Variants in USH2A observed in about 807,000 individuals in gnomAD.
USH2A encodes the protein Usher syndrome 2A (autosomal recessive, mild).
Under a neutral mutation model 538.9 loss-of-function variants are expected in USH2A, and 443 were observed. That is an observed-to-expected ratio of 0.82 (90% CI 0.76 to 0.89). The LOEUF (loss-of-function observed/expected upper bound fraction) is 0.89, where lower values mean the gene tolerates loss of function less well. USH2A is among the 40% of genes least tolerant of loss of function. The probability of loss-of-function intolerance (pLI) is 0.00; values close to 1 mark genes in which losing one functional copy is unlikely to be tolerated. For missense variants in USH2A, 6,633 were observed against 6,324.8 expected (o/e 1.05, Z -1.65); for synonymous variants, 2,413 against 2,273.5 (o/e 1.06, Z -1.75).
Position 215,674,647 on chromosome 1 carries a change from CA to C in USH2A, c.13263del (p.Val4422Ter). 1 of 1,614,050 alleles carries C rather than the reference CA, an allele frequency of 6.2e-7. No homozygotes were observed. Among genetic ancestry groups the C allele is most frequent in the African/African-American group, 1.3e-5 (1 of 75,002 alleles). ...LQPYSQYNFS[L>X]VACTNGGCTA... Reference sequence around the variant, plus strand: ...GTGCAACCTCCATTCGTGCAGGCTACAAGGGAGAAGTTATACTGAGAGTAAG... The same window carrying C: ...GTGCAACCTCCATTCGTGCAGGCTACAGGGAGAAGTTATACTGAGAGTAAG... On this transcript the variant is annotated frameshift_variant, in exon 63 of 72. Coordinates refer to ENST00000307340, the MANE Select transcript of USH2A (RefSeq NM_206933.4). LOFTEE classifies it high-confidence loss of function.
At chr1:216,287,010 A>T (rs1172981621) in intron 11 of USH2A, among the ~76,000 whole-genome samples, 1 of 152,198 alleles carries the variant, frequency 6.6e-6, no homozygotes, top group East Asian at 1.9e-4. Context: ...CCATAGAGCA[A>T]TATTTCTTAT....
chr1:215,880,915 A>G (rs558994404), intron 41 of USH2A, among the ~76,000 whole-genome samples: 4 of 152,244 alleles, frequency 2.6e-5, no homozygotes, highest in South Asian at 2.1e-4. Context: ...TCTTTAATCC[A>G]TCTTGAATTA....
intron 9 of USH2A, among the ~76,000 whole-genome samples, chr1:216,319,085 G>A (rs2037560535): frequency 1.3e-5 from 2 of 152,144 alleles, no homozygotes; most frequent in South Asian, 4.1e-4. Flanking sequence ...CCAAACTGTA[G>A]CTTGCAAATA....
At chr1:216,349,725 T>A (rs1295802823) in intron 4 of USH2A, among the ~76,000 whole-genome samples, 1 of 152,132 alleles carries the variant, frequency 6.6e-6, no homozygotes, top group Non-Finnish European at 1.5e-5. Context: ...ACCCACCCCT[T>A]ATTCAGCATA....
chr1:216,120,440 C>T (rs1303924362), intron 21 of USH2A, among the ~76,000 whole-genome samples: 1 of 151,708 alleles, frequency 6.6e-6, no homozygotes, highest in African/African-American at 2.4e-5. Context: ...AGTGCAATGG[C>T]GCGATCTCAG....
intron 61 of USH2A, among the ~76,000 whole-genome samples, chr1:215,720,319 G>A (rs970119953): frequency 6.6e-6 from 1 of 152,198 alleles, no homozygotes; most frequent in Non-Finnish European, 1.5e-5. Flanking sequence ...GAAGAAATTG[G>A]GAGTGTTGCC....
Position 215,845,950 on chromosome 1 carries a change from G to GCA in USH2A, c.8927_8928dup (p.Pro2977CysfsTer4), listed in dbSNP as rs1452379834. 6.2e-7 allele frequency: 1 copy of GCA among 1,613,868 alleles called. No homozygotes were observed. Among genetic ancestry groups the GCA allele is most frequent in the Non-Finnish European group, 8.5e-7 (1 of 1,179,928 alleles). ...CCAATGACATGAGAGTTTACATCTG[G>GCA]CAAGATTTTTAGAGAGTCGTTTGAG... On this transcript the variant is annotated frameshift_variant, in exon 45 of 72. Coordinates refer to ENST00000307340, the MANE Select transcript of USH2A (RefSeq NM_206933.4). LOFTEE classifies it high-confidence loss of function.
intron 41 of USH2A, among the ~76,000 whole-genome samples, chr1:215,880,421 C>G (rs916564357): frequency 6.6e-6 from 1 of 152,100 alleles, no homozygotes; most frequent in African/African-American, 2.4e-5. Context: ...AATTATACTA[C>G]AGGGGATGAA....
chr1:216,182,415 A>G (rs1028123555), intron 20 of USH2A, among the ~76,000 whole-genome samples: 1 of 152,062 alleles, frequency 6.6e-6, no homozygotes, highest in African/African-American at 2.4e-5. Context: ...TCATATGCCA[A>G]AAAGGCCAGT....
chr1:216,341,808 A>T (rs367912771), intron 4 of USH2A, among the ~76,000 whole-genome samples: 1 of 152,188 alleles, frequency 6.6e-6, no homozygotes, highest in Admixed American at 6.5e-5. Context: ...GAATACTGAA[A>T]CTGGAACCTT....
At chr1:216,296,444 T>C (rs1399240064) in intron 9 of USH2A, among the ~76,000 whole-genome samples, 1 of 152,094 alleles carries the variant, frequency 6.6e-6, no homozygotes, top group Admixed American at 6.5e-5. Flanking sequence ...TTGGCTTCTG[T>C]ATATGTATCT....
intron 37 of USH2A, among the ~76,000 whole-genome samples, chr1:215,964,988 T>C (rs1012937645): frequency 6.6e-6 from 1 of 152,174 alleles, no homozygotes; most frequent in African/African-American, 2.4e-5. Flanking sequence ...GAAGAGTATA[T>C]ACTAGTTCTT....
intron 38 of USH2A, among the ~76,000 whole-genome samples, chr1:215,913,510 G>A (rs942377409): frequency 6.6e-6 from 1 of 152,098 alleles, no homozygotes; most frequent in East Asian, 1.9e-4. Flanking sequence ...AAGGCAGCAA[G>A]GGTGGGAGAC....
At chr1:215,703,870 A>G (rs1367220958) in intron 61 of USH2A, among the ~76,000 whole-genome samples, 1 of 150,970 alleles carries the variant, frequency 6.6e-6, no homozygotes, top group Non-Finnish European at 1.5e-5. Context: ...TGGAAAAAAA[A>G]ACTCCTGCAG....
At chr1:215,915,904 G>A (rs1665940286) in intron 38 of USH2A, among the ~76,000 whole-genome samples, 1 of 151,704 alleles carries the variant, frequency 6.6e-6, no homozygotes, top group Non-Finnish European at 1.5e-5. Flanking sequence ...GGATGAAATT[G>A]GAAATCATCA....
intron 14 of USH2A, among the ~76,000 whole-genome samples, chr1:216,225,799 G>T (rs2035548970): frequency 1.3e-5 from 2 of 152,170 alleles, no homozygotes; most frequent in African/African-American, 4.8e-5. Context: ...TTTGGGTGGA[G>T]ATGAGGAAGT....
intron 21 of USH2A, chr1:216,174,549 CATTG>C: frequency 1.2e-5 from 12 of 982,726 alleles, no homozygotes; most frequent in Non-Finnish European, 1.4e-5. Context: ...AGTGCTTTCA[CATTG>C]ATTTTCATTT....
At chr1:216,344,425 G>T (rs150512721) in intron 4 of USH2A, among the ~76,000 whole-genome samples, 1 of 152,172 alleles carries the variant, frequency 6.6e-6, no homozygotes, top group East Asian at 1.9e-4. Context: ...CACCTAATTT[G>T]CTCAAGGTTC....
At chr1:215,914,677 GC>G (rs1665907389) in intron 38 of USH2A, among the ~76,000 whole-genome samples, 1 of 152,122 alleles carries the variant, frequency 6.6e-6, no homozygotes, top group African/African-American at 2.4e-5. Flanking sequence ...TAAGTAGCCA[GC>G]CAGAACATGC....
Sources: allele counts gnomAD v4.1 joint callset (sites outside exome capture counted in the v4.1 genomes callset), GRCh38; gene constraint gnomAD v4.1.1; transcripts MANE v1.5; gene names NCBI Gene and HGNC (gene_info 2026-07-23, HGNC 2026-07-21).